The following SH3RF2 variants were observed in gnomAD, a reference collection of about 807,000 sequenced individuals.
The protein encoded by SH3RF2 is SH3 domain containing ring finger 2.
SH3RF2 carries 43 observed loss-of-function variants against 59.0 expected under a neutral mutation model. That is an observed-to-expected ratio of 0.73 (90% CI 0.57 to 0.94). SH3RF2 has a LOEUF of 0.94. Ranked by LOEUF, SH3RF2 falls within the 40% of genes least tolerant of loss-of-function variation. The pLI, the probability that SH3RF2 is intolerant of heterozygous loss-of-function variation, is 0.00. For missense variants in SH3RF2, 930 were observed against 940.1 expected (o/e 0.99, Z 0.14); for synonymous variants, 391 against 391.5 (o/e 1.00, Z 0.01).
chr5:145,964,882 G>A (rs904196779), intron 2 of SH3RF2, among the ~76,000 whole-genome samples: 2 of 152,040 alleles, frequency 1.3e-5, no homozygotes, highest in Admixed American at 6.5e-5. Context: ...TTTCTGACAA[G>A]GCTGTTCAAA....
intron 5 of SH3RF2, among the ~76,000 whole-genome samples, chr5:146,028,607 A>G (rs1303624804): frequency 6.6e-6 from 1 of 151,398 alleles, no homozygotes; most frequent in Non-Finnish European, 1.5e-5. Flanking sequence ...CACCACCACC[A>G]CCCACCCACC....
chr5:146,060,279 G>C, intron 9 of SH3RF2, 55 bp downstream of exon 9: 4 of 1,452,950 alleles, frequency 2.8e-6, no homozygotes, highest in Non-Finnish European at 3.7e-6. Flanking sequence ...ACTATGCATA[G>C]TGTCTCAGCT....
In SH3RF2 at chr5:146,034,290, G is replaced by A. The variant is rs78946670; in HGVS notation, c.1060-13482G>A. On this transcript the variant is annotated intron_variant, in intron 5 of 9. Transcript: ENST00000359120. ...TGGGTCCTGAGCTTGTGTGGCTCAT[G>A]CAGTGATGGGAGAGGACAGCAGAGG... Among the ~76,000 whole-genome samples the A allele has an allele frequency of 2.7e-3, 416 of 152,272 alleles. 10 individuals carry two copies. The East Asian group carries it at 0.049, about 18-fold the overall frequency.
chr5:145,952,188 G>C (rs1303676411), intron 2 of SH3RF2, among the ~76,000 whole-genome samples: 1 of 152,080 alleles, frequency 6.6e-6, no homozygotes, highest in Non-Finnish European at 1.5e-5. Flanking sequence ...GGGTTCAGTT[G>C]CTCTCTTTAA....
At position 145,937,346 on chromosome 5, in the gene SH3RF2, A is replaced by G. The variant is rs545067187; in HGVS notation, c.-106-477A>G. Among the ~76,000 whole-genome samples the G allele has an allele frequency of 4.6e-5, 7 of 152,342 alleles. No homozygotes were observed. The East Asian group carries it at 1.4e-3, about 29-fold the overall frequency. ...ATAATTCTACATCTGCATGAGATTC[A>G]GATAAACTTACCCACCTAAACTAAT... On this transcript the variant is annotated intron_variant, in intron 1 of 9. Coordinates refer to ENST00000359120, the MANE Select transcript of SH3RF2 (RefSeq NM_152550.4).
At chr5:145,954,163 C>T (rs1347667236) in intron 2 of SH3RF2, among the ~76,000 whole-genome samples, 5 of 152,192 alleles carry the variant, frequency 3.3e-5, no homozygotes, top group Admixed American at 6.5e-5. Context: ...AACTCATTTA[C>T]ACTCCCACCA....
chr5:145,996,052 G>A (rs1234339795), intron 2 of SH3RF2, among the ~76,000 whole-genome samples: 10 of 152,166 alleles, frequency 6.6e-5, no homozygotes, highest in African/African-American at 2.4e-5. Flanking sequence ...CTGTGTTCCT[G>A]TGGTTTTTTC....
At chr5:146,023,666 A>G (rs909157498) in intron 5 of SH3RF2, among the ~76,000 whole-genome samples, 1 of 152,216 alleles carries the variant, frequency 6.6e-6, no homozygotes, top group African/African-American at 2.4e-5. Context: ...ATATATTTAC[A>G]CAGTTGAGCA....
intron 5 of SH3RF2, among the ~76,000 whole-genome samples, chr5:146,020,789 CAA>C (rs1432546685): frequency 2.6e-5 from 4 of 151,962 alleles, no homozygotes; most frequent in East Asian, 1.9e-4. Context: ...ACAAAAAAGA[CAA>C]GAGAGAGAGA....
At chr5:145,990,896 C>G (rs1759909032) in intron 2 of SH3RF2, among the ~76,000 whole-genome samples, 2 of 152,158 alleles carry the variant, frequency 1.3e-5, no homozygotes, top group South Asian at 4.1e-4. Flanking sequence ...AACAATACAA[C>G]AGGTGAGAGC....
intron 8 of SH3RF2, 122 bp from the exon 9 acceptor site, chr5:146,059,744 T>A (rs1255700962): frequency 1.6e-6 from 1 of 636,530 alleles, no homozygotes; most frequent in African/African-American, 1.9e-5. Flanking sequence ...AGAATGTGAG[T>A]GCAGTCAGAT....
At chr5:146,026,638 G>C (rs1360587009) in intron 5 of SH3RF2, among the ~76,000 whole-genome samples, 1 of 152,184 alleles carries the variant, frequency 6.6e-6, no homozygotes, top group Non-Finnish European at 1.5e-5. Context: ...AGTTTTGTCA[G>C]GCCCCGCAGG....
At chr5:146,010,346 C>T (rs887593631) in intron 4 of SH3RF2, among the ~76,000 whole-genome samples, 1 of 152,164 alleles carries the variant, frequency 6.6e-6, no homozygotes, top group African/African-American at 2.4e-5. Flanking sequence ...CATACGTGTG[C>T]ATGTGTCTTC....
chr5:145,998,783 C>T (rs1330017122), intron 2 of SH3RF2, among the ~76,000 whole-genome samples: 3 of 152,062 alleles, frequency 2.0e-5, no homozygotes, highest in Admixed American at 6.6e-5. Context: ...TGGTGGTGTG[C>T]GCCTGTAATC....
At chr5:146,008,894 T>C (rs770069515) in intron 4 of SH3RF2, among the ~76,000 whole-genome samples, 3 of 152,246 alleles carry the variant, frequency 2.0e-5, no homozygotes, top group Admixed American at 6.5e-5. Flanking sequence ...ATGTAGCTTT[T>C]TGAGTCGGGC....
intron 9 of SH3RF2, among the ~76,000 whole-genome samples, 156 bp downstream of exon 9, chr5:146,060,380 G>A (rs1762846507): frequency 6.6e-6 from 1 of 152,014 alleles, no homozygotes; most frequent in African/African-American, 2.4e-5. Flanking sequence ...ACTCCCCACT[G>A]AGCCATGGCC....
At chr5:145,959,190 A>T (rs1758529069) in intron 2 of SH3RF2, among the ~76,000 whole-genome samples, 1 of 152,230 alleles carries the variant, frequency 6.6e-6, no homozygotes, top group Non-Finnish European at 1.5e-5. Context: ...TTTTTATGCA[A>T]CCATTTGCCC....
intron 2 of SH3RF2, chr5:145,997,942 C>A: frequency 1.2e-6 from 1 of 800,576 alleles, no homozygotes; most frequent in East Asian, 2.4e-5. Context: ...CAGTTTATGC[C>A]TGACCCCAAG....
At chr5:146,064,715 AAAGAAAGAAAGAAAGG>A (rs1270985107), downstream of SH3RF2, among the ~76,000 whole-genome samples, 1 of 19,406 alleles carries the variant, frequency 5.2e-5, no homozygotes, top group African/African-American at 1.8e-4. Context: ...AGAAAGAAAG[AAAGAAAGAAAGAAAGG>A]AAGGAAGGAA....
Sources: gnomAD v4.1 joint callset for allele counts (sites outside exome capture counted in the v4.1 genomes callset) on GRCh38, gnomAD v4.1.1 for gene constraint, MANE v1.5 for transcripts, NCBI Gene and HGNC (gene_info 2026-07-23, HGNC 2026-07-21) for gene names.